Variants in ZC3H14 observed in about 807,000 individuals in gnomAD.
The protein encoded by ZC3H14 is zinc finger CCCH domain-containing protein 14.
In ZC3H14, 31 loss-of-function variants were observed where a neutral mutation model predicts 92.4. That is an observed-to-expected ratio of 0.34 (90% CI 0.25 to 0.45). ZC3H14 has a LOEUF of 0.45. Ranked by LOEUF, ZC3H14 falls within the 20% of genes least tolerant of loss-of-function variation. The pLI is 1.00. For synonymous variants in ZC3H14, 321 were observed against 300.9 expected (o/e 1.07, Z -0.69); for missense variants, 781 against 897.3 (o/e 0.87, Z 1.66).
chr14:88,597,688 G>A (rs1333046113), intron 10 of ZC3H14, among the ~76,000 whole-genome samples: 3 of 152,170 alleles, frequency 2.0e-5, no homozygotes, highest in Non-Finnish European at 4.4e-5. Flanking sequence ...TCTCTCTGTA[G>A]AGGTGTTCAG....
At position 88,615,883 on chromosome 14, in the gene ZC3H14, GTTAA is replaced by G. The variant is rs1567008330; in HGVS notation, c.*4136_*4139del. The stretch of plus-strand genomic sequence containing the variant: ...CAATCAGAGAAGAAAATTGCAGGGA[GTTAA>G]TTATGTTTTTAGATTTTCATAACAG... On this transcript the variant is annotated 3_prime_UTR_variant, in exon 17 of 17. Transcript: ENST00000251038. 7.5e-6 allele frequency: 12 copies of G among 1,599,696 alleles called. No homozygotes were observed. The highest frequency in any genetic ancestry group is 9.4e-6 in the Non-Finnish European group (11 of 1,172,692).
Position 88,602,874 on chromosome 14 carries a change from ACG to A in ZC3H14, c.1563_1564del (p.Leu522GlyfsTer20). 1 of 1,614,156 alleles carries A rather than the reference ACG, an allele frequency of 6.2e-7. No individual in the cohort carries two copies. Among genetic ancestry groups the A allele is most frequent in the Non-Finnish European group, 8.5e-7 (1 of 1,180,026 alleles). On this transcript the variant is annotated frameshift_variant, in exon 12 of 17. Coordinates refer to ENST00000251038, the MANE Select transcript of ZC3H14 (RefSeq NM_024824.5). LOFTEE classifies it high-confidence loss of function. ...ACCTGCAAGTCCCAAGTTTATAGTG[ACG>A]CTGGATGGTGTCCCCAGCCCCCCAG... Reference protein sequence around the residue: ...DKPASPKFIVTLDGVPSPPGY... With the variant: ...DKPASPKFIVXLDGVPSPPGY...
chr14:88,603,834 T>G (rs1047654329), intron 12 of ZC3H14, among the ~76,000 whole-genome samples: 2 of 152,216 alleles, frequency 1.3e-5, no homozygotes, highest in African/African-American at 2.4e-5. Flanking sequence ...TTGGAAGAGA[T>G]ATGAAAATGT....
At chr14:88,575,249 T>C (rs944259519) in intron 7 of ZC3H14, among the ~76,000 whole-genome samples, 12 of 152,288 alleles carry the variant, frequency 7.9e-5, no homozygotes, top group African/African-American at 2.9e-4. Context: ...AAATATTTAA[T>C]GTAATACCGT....
intron 2 of ZC3H14, among the ~76,000 whole-genome samples, chr14:88,564,690 C>G (rs2079341278): frequency 1.3e-5 from 2 of 152,094 alleles, no homozygotes; most frequent in Non-Finnish European, 2.9e-5. Flanking sequence ...CAAATCACTC[C>G]CCCCTTGTAG....
Position 88,618,188 on chromosome 14 carries a change from T to TCAA in ZC3H14, c.*6438_*6440dup. On this transcript the variant is annotated 3_prime_UTR_variant, in exon 17 of 17. Transcript: ENST00000251038. ...AGAAATAGGATTTTCTAACTGGCCT[T>TCAA]CAAAGTCAGTTCTTGCCTTGTGAAT... 1 of 1,572,440 alleles carries TCAA rather than the reference T, an allele frequency of 6.4e-7. No individual in the cohort carries two copies. Among genetic ancestry groups the TCAA allele is most frequent in the Non-Finnish European group, 8.7e-7 (1 of 1,145,382 alleles).
intron 2 of ZC3H14, chr14:88,567,807 AG>A: frequency 1.8e-6 from 1 of 561,154 alleles, no homozygotes; most frequent in Non-Finnish European, 3.3e-6. Flanking sequence ...CCTATAATTC[AG>A]AATGTTTAGT....
Position 88,563,072 on chromosome 14 carries a change from C to G in ZC3H14, c.-62C>G. On this transcript the variant is annotated 5_prime_UTR_variant, in exon 1 of 17. Coordinates refer to ENST00000251038, the MANE Select transcript of ZC3H14 (RefSeq NM_024824.5). ...GTGTCCCGGCTGCGGGGTAGGAGTC[C>G]GCGGCAGCCTCCGGGTAAGCCAAGC... is the stretch of plus-strand genomic sequence containing the variant. 9 of 1,543,198 alleles carry G rather than the reference C, an allele frequency of 5.8e-6. No homozygotes were observed. Among genetic ancestry groups the G allele is most frequent in the Non-Finnish European group, 7.8e-6 (9 of 1,151,236 alleles).
Position 88,625,154 on chromosome 14 carries a change from C to T in ZC3H14, c.*13403C>T, listed in dbSNP as rs771438247. ...TGAAAAGGAGTGGGGGAGGGGGAGA[C>T]AAACTCATCAAAAGTTCAAATAGAG... On this transcript the variant is annotated 3_prime_UTR_variant, in exon 17 of 17. Coordinates refer to ENST00000251038, the MANE Select transcript of ZC3H14 (RefSeq NM_024824.5). 2.5e-6 allele frequency: 4 copies of T among 1,610,306 alleles called. No homozygotes were observed. Among genetic ancestry groups the T allele is most frequent in the Middle Eastern group, 1.7e-4 (1 of 5,886 alleles).
rs1226704004 is a variant in ZC3H14, at chr14:88,581,576, T to TA, written c.1279+3443dup. Among the ~76,000 whole-genome samples the TA allele has an allele frequency of 2.6e-5, 4 of 151,850 alleles. No homozygotes were observed. The South Asian group carries it at 6.2e-4, about 24-fold the overall frequency. On this transcript the variant is annotated intron_variant, in intron 9 of 16. Transcript: ENST00000251038. ...ATTCCGTCTCAAGAAAAAATAAAAA[T>TA]AAAAAAACAAAGAACTAGGCTTCTT...
In ZC3H14 at chr14:88,621,459, G is replaced by T. The variant is rs1341519153; in HGVS notation, c.*9708G>T. On this transcript the variant is annotated 3_prime_UTR_variant, in exon 17 of 17. Coordinates refer to ENST00000251038, the MANE Select transcript of ZC3H14 (RefSeq NM_024824.5). Reference sequence around the variant, plus strand: ...CATTAGCTCATGCAAATTTTTCTATGACTACAGGCACACATCTATCTGTAA... The same window carrying T: ...CATTAGCTCATGCAAATTTTTCTATTACTACAGGCACACATCTATCTGTAA... The T allele has an allele frequency of 1.4e-6, 1 of 697,070 alleles. No homozygotes were observed. Among genetic ancestry groups the T allele is most frequent in the Non-Finnish European group, 2.5e-6 (1 of 406,424 alleles). The allele number at this position is 697,070 out of a possible 1,614,324, so 43.2% of individuals were successfully genotyped here.
intron 2 of ZC3H14, among the ~76,000 whole-genome samples, chr14:88,565,839 T>A (rs1048755349): frequency 2.0e-5 from 3 of 152,000 alleles, no homozygotes; most frequent in Non-Finnish European, 4.4e-5. Flanking sequence ...TATAAAAATA[T>A]GAAACAAGGC....
Position 88,618,369 on chromosome 14 carries a change from A to AAAT in ZC3H14, c.*6618_*6619insAAT, listed in dbSNP as rs1411479479. 2 of 1,566,456 alleles carry AAAT rather than the reference A, an allele frequency of 1.3e-6. No individual in the cohort carries two copies. The highest frequency in any genetic ancestry group is 1.8e-6 in the Non-Finnish European group (2 of 1,139,468). ...ATTAAAATGGGACAAGAATTCCATT[A>AAAT]GGTGAGAGACAAAATCCACAGGGGG... On this transcript the variant is annotated 3_prime_UTR_variant, in exon 17 of 17. Transcript: ENST00000251038.
chr14:88,565,499 G>C (rs559751326), intron 2 of ZC3H14, among the ~76,000 whole-genome samples: 1 of 152,264 alleles, frequency 6.6e-6, no homozygotes, highest in Admixed American at 6.5e-5. Flanking sequence ...ATATATCAAC[G>C]TGTCAGTGGT....
intron 2 of ZC3H14, chr14:88,567,724 C>A (rs61984712): frequency 0.043 from 15,844 of 369,426 alleles, 492 homozygotes; most frequent in Non-Finnish European, 0.061. Flanking sequence ...TCAAATATTT[C>A]CCATAAGCTT....
At chr14:88,578,494 T>C (rs1236037364) in intron 9 of ZC3H14, among the ~76,000 whole-genome samples, 2 of 152,124 alleles carry the variant, frequency 1.3e-5, no homozygotes, top group African/African-American at 4.8e-5. Flanking sequence ...TTTTTAATAT[T>C]CTCAAAAATG....
intron 6 of ZC3H14, among the ~76,000 whole-genome samples, chr14:88,573,495 G>T (rs987475418): frequency 1.3e-5 from 2 of 151,960 alleles, no homozygotes; most frequent in South Asian, 4.2e-4. Context: ...GTGTGATGGC[G>T]CGATCTCAAC....
chr14:88,580,654 G>T (rs1449927885), intron 9 of ZC3H14, among the ~76,000 whole-genome samples: 3 of 152,266 alleles, frequency 2.0e-5, no homozygotes, highest in East Asian at 1.9e-4. Flanking sequence ...GAGGAACAGA[G>T]CAAACATTAA....
chr14:88,577,773 TTG>T (rs2081352709), intron 8 of ZC3H14, among the ~76,000 whole-genome samples: 1 of 152,152 alleles, frequency 6.6e-6, no homozygotes, highest in Non-Finnish European at 1.5e-5. Context: ...TTTTACCATG[TTG>T]GCCAGGCTGG....
Sources: allele counts gnomAD v4.1 joint callset (sites outside exome capture counted in the v4.1 genomes callset), GRCh38; gene constraint gnomAD v4.1.1; transcripts MANE v1.5; gene names NCBI Gene and HGNC (gene_info 2026-07-23, HGNC 2026-07-21).